SCLT1: variants seen among roughly 807,000 people sequenced by gnomAD.
SCLT1 encodes the protein sodium channel and clathrin linker 1, also known as sodium channel-associated protein 1.
SCLT1 carries 78 observed loss-of-function variants against 112.8 expected under a neutral mutation model. The observed-to-expected ratio is 0.69, with a 90% CI of 0.58 to 0.83. The LOEUF is 0.83. Ranked by LOEUF, SCLT1 falls within the 40% of genes least tolerant of loss-of-function variation. The pLI is 0.00. For missense variants in SCLT1, 747 were observed against 770.4 expected, an observed-to-expected ratio of 0.97 and a Z score of 0.36; for synonymous variants, 257 against 254.7, an observed-to-expected ratio of 1.01 and a Z score of -0.09.
In SCLT1 at chr4:129,071,923, G is replaced by A. The variant is rs377639948; in HGVS notation, c.102+10383C>T. On this transcript the variant is annotated intron_variant, in intron 2 of 20. Coordinates refer to ENST00000281142, the MANE Select transcript of SCLT1 (RefSeq NM_144643.4). ...GTTTTATAGGTCCTGTGTGATTTAT[G>A]CTTTAAAGAGGTTCTGTTTTGATGT... Among the ~76,000 whole-genome samples, 22 of 152,184 alleles carry A rather than the reference G, an allele frequency of 1.4e-4. No individual in the cohort carries two copies. In the East Asian group the frequency reaches 3.9e-3, roughly 27 times the overall value.
intron 2 of SCLT1, among the ~76,000 whole-genome samples, chr4:129,069,190 T>C (rs541069532): frequency 1.3e-5 from 2 of 152,328 alleles, no homozygotes; most frequent in East Asian, 3.9e-4. Context: ...TAGAGTATAG[T>C]TTGAAATCAG....
At chr4:128,902,183 T>C (rs1407509534) in intron 18 of SCLT1, among the ~76,000 whole-genome samples, 2 of 152,158 alleles carry the variant, frequency 1.3e-5, no homozygotes, top group African/African-American at 4.8e-5. Flanking sequence ...GGGATTATAG[T>C]TGTGAGCCAC....
chr4:129,080,960 GAA>G (rs1310512529), intron 2 of SCLT1, among the ~76,000 whole-genome samples: 3 of 152,168 alleles, frequency 2.0e-5, no homozygotes, highest in Admixed American at 6.5e-5. Context: ...CCTCTGAGGA[GAA>G]AAGTCTCCTT....
rs539674737 is a variant in SCLT1, at chr4:128,925,340, C to G, written c.1829+11315G>C. ...TCATCAAGTTTGGAAAAAATTTGGC[C>G]GTTAGTTCTTTTTTTTTTTGGAGCT... On this transcript the variant is annotated intron_variant, in intron 18 of 20. Coordinates refer to ENST00000281142, the MANE Select transcript of SCLT1 (RefSeq NM_144643.4). 3.3e-5 allele frequency among the ~76,000 whole-genome samples: 5 copies of G among 151,840 alleles called. No individual in the cohort carries two copies. The South Asian group carries it at 8.3e-4, about 25-fold the overall frequency.
chr4:128,959,166 C>A (rs569447929), intron 12 of SCLT1, among the ~76,000 whole-genome samples: 1 of 152,080 alleles, frequency 6.6e-6, no homozygotes, highest in Admixed American at 6.6e-5. Flanking sequence ...TGACATGAAG[C>A]CTTCAGTAAA....
At chr4:129,018,757 T>C (rs1209118392) in intron 5 of SCLT1, among the ~76,000 whole-genome samples, 1 of 152,168 alleles carries the variant, frequency 6.6e-6, no homozygotes, top group Non-Finnish European at 1.5e-5. Flanking sequence ...TTAAAGTATG[T>C]ATTTTTTATG....
chr4:128,881,912 T>C (rs190230129), downstream of SCLT1, among the ~76,000 whole-genome samples: 31 of 152,312 alleles, frequency 2.0e-4, no homozygotes, highest in African/African-American at 6.7e-4. Flanking sequence ...ATCTGCATAT[T>C]AGCAGCCTAT....
chr4:129,071,528 T>A (rs1177159375), intron 2 of SCLT1, among the ~76,000 whole-genome samples: 3 of 152,218 alleles, frequency 2.0e-5, no homozygotes, highest in Non-Finnish European at 4.4e-5. Flanking sequence ...ACCCATCATA[T>A]AATGTCCCTC....
At chr4:128,929,194 T>C (rs939307072) in intron 18 of SCLT1, among the ~76,000 whole-genome samples, 4 of 152,164 alleles carry the variant, frequency 2.6e-5, no homozygotes, top group Non-Finnish European at 5.9e-5. Context: ...CAGCAACAAA[T>C]AGCTTTCACA....
At chr4:129,038,929 C>T (rs1432214859) in intron 5 of SCLT1, 112 bp downstream of exon 5, 2 of 714,104 alleles carry the variant, frequency 2.8e-6, no homozygotes, top group Middle Eastern at 3.8e-4. Flanking sequence ...AAAATCAGCC[C>T]CGGGGTCCAC....
intron 10 of SCLT1, among the ~76,000 whole-genome samples, chr4:128,966,514 T>C (rs1740208371): frequency 6.6e-6 from 1 of 152,200 alleles, no homozygotes; most frequent in Admixed American, 6.5e-5. Context: ...AAATACGGTG[T>C]TATTAGTTCT....
At chr4:128,948,139 TC>T (rs1334496574) in intron 15 of SCLT1, among the ~76,000 whole-genome samples, 5 of 151,566 alleles carry the variant, frequency 3.3e-5, no homozygotes, top group Admixed American at 3.3e-4. Flanking sequence ...ATAGAGACCA[TC>T]CTGGCTAACA....
chr4:128,898,999 C>T (rs1734035141), intron 18 of SCLT1, among the ~76,000 whole-genome samples: 1 of 152,142 alleles, frequency 6.6e-6, no homozygotes, highest in African/African-American at 2.4e-5. Flanking sequence ...CTGAATAGAC[C>T]AATAACAGGC....
At chr4:128,918,411 T>C (rs543679873) in intron 18 of SCLT1, among the ~76,000 whole-genome samples, 3 of 152,272 alleles carry the variant, frequency 2.0e-5, no homozygotes, top group South Asian at 4.1e-4. Flanking sequence ...GTATTAACAG[T>C]GCAATCAACC....
intron 9 of SCLT1, among the ~76,000 whole-genome samples, chr4:128,981,004 GACTC>G (rs1211638564): frequency 6.6e-6 from 1 of 152,100 alleles, no homozygotes; most frequent in African/African-American, 2.4e-5. Flanking sequence ...TTAATTAACT[GACTC>G]ACTCACTCAA....
chr4:128,930,734 G>C (rs1237619476), intron 18 of SCLT1, among the ~76,000 whole-genome samples: 1 of 152,186 alleles, frequency 6.6e-6, no homozygotes, highest in South Asian at 2.1e-4. Flanking sequence ...TTTGGAAAAT[G>C]TAATATAAAT....
chr4:129,028,927 C>T (rs548438122), intron 5 of SCLT1, among the ~76,000 whole-genome samples: 24 of 151,940 alleles, frequency 1.6e-4, no homozygotes, highest in South Asian at 1.0e-3. Flanking sequence ...TGTGAAAAAA[C>T]GCTCACCATC....
intron 15 of SCLT1, among the ~76,000 whole-genome samples, chr4:128,947,944 T>C (rs1560877955): frequency 6.6e-6 from 1 of 152,088 alleles, no homozygotes; most frequent in Non-Finnish European, 1.5e-5. Flanking sequence ...TGAAATTTCG[T>C]AGGATGAGGT....
At chr4:129,039,900 G>A (rs4975297) in intron 4 of SCLT1, 84 of 219,006 alleles carry the variant, frequency 3.8e-4, no homozygotes, top group Middle Eastern at 1.6e-3. Flanking sequence ...GTGCGCGCGC[G>A]CACACACACA....
Sources: gnomAD v4.1 joint callset for allele counts (sites outside exome capture counted in the v4.1 genomes callset) on GRCh38, gnomAD v4.1.1 for gene constraint, MANE v1.5 for transcripts, NCBI Gene and HGNC (gene_info 2026-07-23, HGNC 2026-07-21) for gene names.